Variants in DGKB observed in about 807,000 individuals in gnomAD.
The protein encoded by DGKB is 90 kDa diacylglycerol kinase.
Under a neutral mutation model 114.3 loss-of-function variants are expected in DGKB, and 67 were observed. The observed-to-expected ratio is 0.59, with a 90% CI of 0.48 to 0.72. The LOEUF (loss-of-function observed/expected upper bound fraction) is 0.72, where lower values mean the gene tolerates loss of function less well. Ranked by LOEUF, DGKB falls within the 30% of genes least tolerant of loss-of-function variation. The pLI, the probability that DGKB is intolerant of heterozygous loss-of-function variation, is 0.00. For missense variants in DGKB, 907 were observed against 975.2 expected, an observed-to-expected ratio of 0.93 and a Z score of 0.93; for synonymous variants, 398 against 323.1, an observed-to-expected ratio of 1.23 and a Z score of -2.49.
chr7:14,877,217 G>A (rs1271976329), intron 1 of DGKB, among the ~76,000 whole-genome samples: 1 of 152,160 alleles, frequency 6.6e-6, no homozygotes, highest in African/African-American at 2.4e-5. Flanking sequence ...CGATTGCTGA[G>A]AGCTGGCCAA....
chr7:14,552,782 T>C (rs948252390), intron 20 of DGKB, among the ~76,000 whole-genome samples: 1 of 152,246 alleles, frequency 6.6e-6, no homozygotes, highest in Non-Finnish European at 1.5e-5. Flanking sequence ...TCACAAAATA[T>C]GGATTCTATA....
At chr7:14,392,995 G>GTTTTTTTGTTTTTGTTTTTTT (rs1554404750) in intron 21 of DGKB, among the ~76,000 whole-genome samples, 1 of 60,546 alleles carries the variant, frequency 1.7e-5, no homozygotes, top group Non-Finnish European at 3.4e-5. Flanking sequence ...TTTTGTTTTT[G>GTTTTTTTGTTTTTGTTTTTTT]TTTTTTTTTT....
intron 1 of DGKB, among the ~76,000 whole-genome samples, chr7:14,937,170 C>T (rs1056147157): frequency 8.6e-5 from 13 of 151,568 alleles, no homozygotes; most frequent in East Asian, 1.9e-4. Context: ...ATACTATCAA[C>T]GTATTAATCA....
chr7:14,752,600 A>G (rs868814974), intron 4 of DGKB, among the ~76,000 whole-genome samples: 3 of 152,152 alleles, frequency 2.0e-5, no homozygotes, highest in Non-Finnish European at 2.9e-5. Flanking sequence ...AGTTTTGTCA[A>G]TTCTTTCTAT....
chr7:14,951,183 T>C (rs890885923), intron 1 of DGKB, among the ~76,000 whole-genome samples: 2 of 152,004 alleles, frequency 1.3e-5, no homozygotes, highest in South Asian at 4.1e-4. Flanking sequence ...CTTCCTGAGA[T>C]GGGAACAAGA....
At chr7:14,151,173 A>C (rs1174750208) in intron 25 of DGKB, among the ~76,000 whole-genome samples, 1 of 152,116 alleles carries the variant, frequency 6.6e-6, no homozygotes, top group Non-Finnish European at 1.5e-5. Flanking sequence ...ATTAAGAGCT[A>C]AAGTAAGAAG....
chr7:14,668,455 C>T (rs1194750571), intron 13 of DGKB, among the ~76,000 whole-genome samples: 1 of 152,060 alleles, frequency 6.6e-6, no homozygotes, highest in Admixed American at 6.6e-5. Context: ...TCGGGCTCCA[C>T]TTCTAAATTG....
chr7:14,523,117 A>C (rs1353591241), intron 20 of DGKB, among the ~76,000 whole-genome samples: 2 of 152,222 alleles, frequency 1.3e-5, no homozygotes, highest in African/African-American at 4.8e-5. Flanking sequence ...CTGTGAACCA[A>C]GATTAAATGG....
At chr7:14,412,180 A>G (rs901750062) in intron 21 of DGKB, among the ~76,000 whole-genome samples, 16 of 152,176 alleles carry the variant, frequency 1.1e-4, no homozygotes, top group Admixed American at 7.9e-4. Flanking sequence ...CCTATTCAGA[A>G]AAAATTTGCT....
At chr7:14,576,476 C>A (rs1379123637) in intron 19 of DGKB, among the ~76,000 whole-genome samples, 1 of 151,920 alleles carries the variant, frequency 6.6e-6, no homozygotes, top group African/African-American at 2.4e-5. Context: ...TTTCCAAATT[C>A]TGCTTTCATG....
chr7:14,827,529 T>C (rs1845863670), intron 2 of DGKB, among the ~76,000 whole-genome samples: 1 of 152,012 alleles, frequency 6.6e-6, no homozygotes. Flanking sequence ...TCTTTGAAAA[T>C]GCTGTTTCTA....
Position 14,968,718 on chromosome 7 carries a change from G to C in DGKB, c.-188+5978C>G, listed in dbSNP as rs1174875236. 2.6e-5 allele frequency among the ~76,000 whole-genome samples: 4 copies of C among 152,112 alleles called. 1 individual carries two copies. Among genetic ancestry groups the C allele is most frequent in the Admixed American group, 2.0e-4 (3 of 15,268 alleles). On this transcript the variant is annotated intron_variant, in intron 1 of 4. Transcript: ENST00000437998. ...GACTAAATTCAGGCCCTTTGCTCTG[G>C]AAAAGCAGACCCTGTCAAAATGGAA...
intron 7 of DGKB, 66 bp from the exon 8 acceptor site, chr7:14,698,235 G>T (rs1824432203): frequency 2.0e-6 from 2 of 1,018,406 alleles, no homozygotes; most frequent in Non-Finnish European, 2.9e-6. Flanking sequence ...TCTTTCACTT[G>T]CAGAAATTGT....
At chr7:14,797,059 A>C (rs1010629054) in intron 2 of DGKB, among the ~76,000 whole-genome samples, 2 of 152,204 alleles carry the variant, frequency 1.3e-5, no homozygotes, top group African/African-American at 4.8e-5. Flanking sequence ...CATTGCTTAC[A>C]AGTGCAACTT....
Position 14,695,504 on chromosome 7 carries a change from T to TA in DGKB, c.592-1311_592-1310insT, listed in dbSNP as rs1431589960. On this transcript the variant is annotated intron_variant, in intron 8 of 25. Coordinates refer to ENST00000402815, the MANE Select transcript of DGKB (RefSeq NM_001350709.2). ...TCTCTCTCTCTCTCTCTTTTTTTTT[T>TA]TTTTTTTTTTTTTGAGATGGAGTCT... 6.6e-3 allele frequency among the ~76,000 whole-genome samples: 818 copies of TA among 124,094 alleles called. 14 individuals are homozygous for TA. The highest frequency in any genetic ancestry group is 0.024 in the African/African-American group (758 of 31,484). The allele number at this position is 124,094 out of a possible 152,430, so 81.4% of individuals were successfully genotyped here. A position where few individuals can be genotyped will look rare whatever the true frequency, so the allele number is the denominator to read the frequency against.
intron 20 of DGKB, among the ~76,000 whole-genome samples, chr7:14,564,157 T>C (rs1489020592): frequency 1.3e-5 from 2 of 152,210 alleles, no homozygotes; most frequent in Non-Finnish European, 2.9e-5. Context: ...GAAGGATCAA[T>C]GGTATCCATT....
chr7:14,788,353 A>C lies in DGKB; in HGVS notation c.71-30622T>G, dbSNP rs909232147. Among the ~76,000 whole-genome samples the C allele has an allele frequency of 2.6e-5, 4 of 152,180 alleles. No individual in the cohort carries two copies. The South Asian group carries it at 6.2e-4, about 24-fold the overall frequency. ...TCCACCAAAGCCTTGTCTATTAACT[A>C]TGCCTTTTATTTTCTGTGTTTTCAT... On this transcript the variant is annotated intron_variant, in intron 2 of 25. Transcript: ENST00000402815.
chr7:14,879,323 C>G (rs931474901), intron 1 of DGKB, among the ~76,000 whole-genome samples: 5 of 149,558 alleles, frequency 3.3e-5, no homozygotes, highest in Admixed American at 1.3e-4. Flanking sequence ...AACTTCCATG[C>G]TTTGCATTCA....
intron 17 of DGKB, among the ~76,000 whole-genome samples, chr7:14,593,304 TATA>T (rs965043665): frequency 2.0e-5 from 3 of 152,064 alleles, no homozygotes; most frequent in African/African-American, 4.8e-5. Flanking sequence ...CTGGGGAACC[TATA>T]ATGTTATCTC....
Sources: allele counts gnomAD v4.1 joint callset (sites outside exome capture counted in the v4.1 genomes callset), GRCh38; gene constraint gnomAD v4.1.1; transcripts MANE v1.5; gene names NCBI Gene and HGNC (gene_info 2026-07-23, HGNC 2026-07-21).